NUDC: variants seen among roughly 807,000 people sequenced by gnomAD.
NUDC encodes the protein nuclear migration protein nudC.
A neutral mutation model predicts 45.0 loss-of-function variants in NUDC; 14 were observed. That is an observed-to-expected ratio of 0.31 (90% CI 0.21 to 0.49). The LOEUF is 0.49. Ranked by LOEUF, NUDC falls within the 20% of genes least tolerant of loss-of-function variation. NUDC has a pLI of 0.99. For synonymous variants in NUDC, 153 were observed against 156.7 expected (o/e 0.98, Z 0.17); for missense variants, 323 against 426.2 (o/e 0.76, Z 2.13).
intron 3 of NUDC, chr1:26,913,719 TG>T: frequency 6.2e-7 from 1 of 1,608,214 alleles, no homozygotes; most frequent in Non-Finnish European, 8.5e-7. Flanking sequence ...GCCAGAAGGA[TG>T]GCAGGTTCCT....
chr1:26,911,781 A>T, intron 3 of NUDC: 1 of 1,609,088 alleles, frequency 6.2e-7, no homozygotes, highest in Non-Finnish European at 8.5e-7. Context: ...ACCTCTGGGG[A>T]TGGCCAGGCT....
intron 1 of NUDC, among the ~76,000 whole-genome samples, chr1:26,901,197 C>T (rs938493987): frequency 1.3e-5 from 2 of 152,006 alleles, no homozygotes; most frequent in African/African-American, 4.8e-5. Context: ...GTTGGGGTCT[C>T]GCTCTGTCGC....
At chr1:26,944,315 C>G (rs1021393861) in intron 6 of NUDC, among the ~76,000 whole-genome samples, 1 of 152,078 alleles carries the variant, frequency 6.6e-6, no homozygotes, top group African/African-American at 2.4e-5. Context: ...CTCAAACGAC[C>G]CTCCCACCTC....
intron 3 of NUDC, chr1:26,913,818 A>G: frequency 1.3e-6 from 2 of 1,513,964 alleles, no homozygotes; most frequent in Non-Finnish European, 1.8e-6. Flanking sequence ...GGTGCTGCCT[A>G]CATAGGCAGC....
chr1:26,909,202 T>C (rs982452732), intron 2 of NUDC, among the ~76,000 whole-genome samples: 2 of 152,010 alleles, frequency 1.3e-5, no homozygotes, highest in Non-Finnish European at 2.9e-5. Flanking sequence ...CTTGAACTCC[T>C]AACCTCAGGT....
At chr1:26,943,191 CTT>C (rs2082293007) in intron 6 of NUDC, 126 bp downstream of exon 6, 1 of 987,528 alleles carries the variant, frequency 1.0e-6, no homozygotes, top group Non-Finnish European at 1.6e-6. Context: ...TGACAACACT[CTT>C]TAAAGTAGAT....
In NUDC at chr1:26,941,770, T is replaced by C. The variant is rs2082279156; in HGVS notation, c.381T>C (p.Asn127=). 1.2e-6 allele frequency: 2 copies of C among 1,613,866 alleles called. No homozygotes were observed. The highest frequency in any genetic ancestry group is 8.5e-7 in the Non-Finnish European group (1 of 1,179,992). The change falls in exon 4 of 9, where the codon AAT becomes AAC. Residue 127 remains asparagine (N), a synonymous_variant. Transcript: ENST00000321265. The stretch of plus-strand genomic sequence containing the variant: ...TGCCCCAGAAAAAGGATGCAGAGAA[T>C]CATGAGGCCCAGCTCAAGAACGGCA... The part of the protein sequence containing the change: ...LEIDQKKDAE[N]HEAQLKNGSL...
intron 2 of NUDC, among the ~76,000 whole-genome samples, chr1:26,938,265 ACT>A (rs2082249951): frequency 2.0e-5 from 3 of 151,838 alleles, no homozygotes; most frequent in African/African-American, 4.8e-5. Context: ...ATTGGCCTTG[ACT>A]CTGCCTGGTG....
intron 2 of NUDC, among the ~76,000 whole-genome samples, chr1:26,939,054 C>T (rs184953602): frequency 3.2e-4 from 49 of 152,242 alleles, no homozygotes; most frequent in African/African-American, 1.0e-3. Context: ...AGGCTGGTGG[C>T]GCGATCTCTG....
intron 6 of NUDC, 198 bp from the exon 7 acceptor site, chr1:26,945,192 T>C (rs1174006578): frequency 3.2e-6 from 2 of 624,282 alleles, no homozygotes; most frequent in Non-Finnish European, 5.8e-6. Flanking sequence ...CTTATCACAC[T>C]GATTTGTAAC....
At chr1:26,923,600 G>T (rs1403337818) in intron 1 of NUDC, among the ~76,000 whole-genome samples, 2 of 152,058 alleles carry the variant, frequency 1.3e-5, no homozygotes, top group African/African-American at 4.8e-5. Context: ...CTCCCAAGTA[G>T]CTGGGATTAC....
chr1:26,945,953 C>G (rs186000973), intron 8 of NUDC, among the ~76,000 whole-genome samples, 177 bp from the exon 9 acceptor site: 209 of 152,294 alleles, frequency 1.4e-3, no homozygotes, highest in African/African-American at 4.7e-3. Context: ...GTGTTGGTGC[C>G]TCAGCTTCCA....
At chr1:26,933,771 A>G (rs1039332197) in intron 2 of NUDC, among the ~76,000 whole-genome samples, 3 of 152,124 alleles carry the variant, frequency 2.0e-5, no homozygotes, top group African/African-American at 7.2e-5. Context: ...GCACCATTTG[A>G]CACTACCACT....
chr1:26,935,016 C>G (rs1338545482), intron 2 of NUDC, among the ~76,000 whole-genome samples: 1 of 150,956 alleles, frequency 6.6e-6, no homozygotes, highest in Non-Finnish European at 1.5e-5. Context: ...GAGTCTCGCT[C>G]TGTCACCCAG....
At chr1:26,905,157 A>ATTT (rs71007901) in intron 2 of NUDC, among the ~76,000 whole-genome samples, 67 of 84,268 alleles carry the variant, frequency 8.0e-4, no homozygotes, top group Non-Finnish European at 1.1e-3. Flanking sequence ...TATTATTATT[A>ATTT]TTTTTTTTTT....
Position 26,924,119 on chromosome 1 carries a change from C to G in NUDC, c.112C>G (p.Arg38Gly). The G allele has an allele frequency of 6.2e-7, 1 of 1,614,080 alleles. No individual in the cohort carries two copies. Among genetic ancestry groups the G allele is most frequent in the Non-Finnish European group, 8.5e-7 (1 of 1,179,970 alleles). ...GAACACCTTCTTCAGCTTCCTTCGA[C>G]GCAAAACAGACTTTTTCATTGGAGG... is the stretch of plus-strand genomic sequence containing the variant. Reference protein sequence around the residue: ...LVNTFFSFLRRKTDFFIGGEE... With the variant: ...LVNTFFSFLRGKTDFFIGGEE... Residue 38 changes from arginine to glycine, a missense_variant, in exon 2 of 9, where the codon CGC becomes GGC. Physicochemically the swap from Arg to Gly is moderately radical, Grantham distance 125. Around this residue, in one of 3 missense-constraint regions of NUDC, gnomAD observed 245 missense variants for 278.8 expected, o/e 0.88. Coordinates refer to ENST00000321265, the MANE Select transcript of NUDC (RefSeq NM_006600.4).
intron 2 of NUDC, among the ~76,000 whole-genome samples, chr1:26,938,217 G>C (rs2082249658): frequency 6.6e-6 from 1 of 152,186 alleles, no homozygotes; most frequent in African/African-American, 2.4e-5. Context: ...GCTGGGCCTA[G>C]GTCAGGCTGA....
At chr1:26,918,280 T>A (rs2082071964), upstream of NUDC, among the ~76,000 whole-genome samples, 1 of 100,614 alleles carries the variant, frequency 9.9e-6, no homozygotes. Flanking sequence ...CAAGTGATTC[T>A]TTTTTTTTTT....
upstream of NUDC, among the ~76,000 whole-genome samples, chr1:26,920,249 C>G (rs1204480745): frequency 6.6e-6 from 1 of 151,918 alleles, no homozygotes. Flanking sequence ...TAGCGCGTTG[C>G]GAGGCCGAGG....
Sources: gnomAD v4.1 joint callset for allele counts (sites outside exome capture counted in the v4.1 genomes callset) on GRCh38, gnomAD v4.1.1 for gene constraint, gnomAD v4.1.1 regional missense constraint, MANE v1.5 for transcripts, NCBI Gene and HGNC (gene_info 2026-07-23, HGNC 2026-07-21) for gene names.